The following PPARG variants were observed in gnomAD, a reference collection of about 807,000 sequenced individuals.
PPARG encodes the protein peroxisome proliferator-activated receptor gamma.
In PPARG, 17 loss-of-function variants were observed where a neutral mutation model predicts 39.2. That is an observed-to-expected ratio of 0.43 (90% confidence interval 0.30 to 0.65). The LOEUF (loss-of-function observed/expected upper bound fraction) is 0.65, where lower values mean the gene tolerates loss of function less well. Ranked by LOEUF, PPARG falls within the 30% of genes least tolerant of loss-of-function variation. The pLI is 0.13. For missense variants in PPARG, 406 were observed against 585.9 expected, an observed-to-expected ratio of 0.69 and a Z score of 3.17; for synonymous variants, 223 against 215.7, an observed-to-expected ratio of 1.03 and a Z score of -0.30.
intron 1 of PPARG, among the ~76,000 whole-genome samples, chr3:12,302,415 G>A (rs919016854): frequency 6.6e-6 from 1 of 152,110 alleles, no homozygotes; most frequent in African/African-American, 2.4e-5. Flanking sequence ...TGATGAACAT[G>A]TTTTGGAACT....
intron 4 of PPARG, among the ~76,000 whole-genome samples, chr3:12,386,276 G>A (rs550927586): frequency 7.0e-6 from 1 of 143,204 alleles, no homozygotes; most frequent in South Asian, 2.4e-4. Flanking sequence ...GATTCCTTGA[G>A]TCACATAACA....
At chr3:12,407,183 A>G (rs942032012) in intron 6 of PPARG, among the ~76,000 whole-genome samples, 1 of 152,042 alleles carries the variant, frequency 6.6e-6, no homozygotes, top group Admixed American at 6.5e-5. Context: ...TTGTTTTGAG[A>G]CAGAGTCTTG....
chr3:12,328,220 C>G, intron 2 of PPARG: 8 of 1,518,024 alleles, frequency 5.3e-6, no homozygotes, highest in Non-Finnish European at 7.2e-6. Context: ...TGGAGCGGAG[C>G]GTTAAGGAAG....
intron 2 of PPARG, among the ~76,000 whole-genome samples, chr3:12,354,625 C>T (rs1288589868): frequency 6.6e-6 from 1 of 151,670 alleles, no homozygotes; most frequent in Non-Finnish European, 1.5e-5. Flanking sequence ...TGGTGGTGGG[C>T]GCCTGTAGTC....
At chr3:12,429,378 A>G (rs2051571676) in intron 7 of PPARG, among the ~76,000 whole-genome samples, 1 of 152,090 alleles carries the variant, frequency 6.6e-6, no homozygotes, top group Non-Finnish European at 1.5e-5. Flanking sequence ...TAGTAGATTA[A>G]CATCATCTCC....
rs1266665623 is a variant in PPARG, at chr3:12,345,139, T to C, written c.-9+32686T>C. On this transcript the variant is annotated intron_variant, in intron 2 of 7. Coordinates refer to ENST00000651735, the MANE Select transcript of PPARG (RefSeq NM_138711.6). ...TAGAAATTTTCAAATAGTAATGTTA[T>C]CATTTTCTTAAGAGCAAGGAACTTT... Among the ~76,000 whole-genome samples the C allele has an allele frequency of 2.0e-5, 3 of 152,200 alleles. No individual in the cohort carries two copies. In the East Asian group the frequency reaches 5.8e-4, roughly 29 times the overall value.
rs115339818 is a variant in PPARG, at chr3:12,365,366, C to T, written c.-8-14338C>T. Among the ~76,000 whole-genome samples the T allele has an allele frequency of 6.5e-3, 995 of 152,252 alleles. 8 individuals carry two copies. The highest frequency in any genetic ancestry group is 0.01 in the Non-Finnish European group (685 of 68,014). Reference sequence around the variant, plus strand: ...TCTCTTGACACTGTTTTGCACAGAGCAGACTTTTTTTATTTTAATGAAGTC... The same window carrying T: ...TCTCTTGACACTGTTTTGCACAGAGTAGACTTTTTTTATTTTAATGAAGTC... On this transcript the variant is annotated intron_variant, in intron 2 of 7. Transcript: ENST00000651735.
chr3:12,434,159 G>A lies in PPARG; in HGVS notation c.*14G>A, dbSNP rs752708128. The A allele has an allele frequency of 5.0e-6, 8 of 1,614,184 alleles. No individual in the cohort carries two copies. The South Asian group carries it at 7.7e-5, about 16-fold the overall frequency. ...GACTTGTACTAGCAGAGAGTCCTGA[G>A]CCACTGCCAACATTTCCCTTCTTCC... On this transcript the variant is annotated 3_prime_UTR_variant, in exon 8 of 8. Transcript: ENST00000651735. The surrounding 1 kb of genome is among the most constrained non-coding windows in gnomAD (Gnocchi z 4.2).
At chr3:12,335,588 A>G (rs537635145) in intron 2 of PPARG, among the ~76,000 whole-genome samples, 2 of 152,326 alleles carry the variant, frequency 1.3e-5, no homozygotes, top group South Asian at 4.1e-4. Flanking sequence ...TACTTATTTC[A>G]CATCTGGTTG....
At chr3:12,432,761 G>A (rs573503754) in intron 7 of PPARG, among the ~76,000 whole-genome samples, 13 of 152,270 alleles carry the variant, frequency 8.5e-5, no homozygotes, top group African/African-American at 3.1e-4. Flanking sequence ...AAAGCTATTT[G>A]AACTGATAAA....
intron 1 of PPARG, among the ~76,000 whole-genome samples, chr3:12,296,404 AT>A (rs979584087): frequency 2.6e-5 from 4 of 151,948 alleles, no homozygotes; most frequent in African/African-American, 9.7e-5. Flanking sequence ...GGGCCTAGCA[AT>A]CTGTGTTTTA....
In PPARG at chr3:12,386,520, C is replaced by CT. The variant is rs78118200; in HGVS notation, c.390+5042dup. On this transcript the variant is annotated intron_variant, in intron 4 of 7. Coordinates refer to ENST00000651735, the MANE Select transcript of PPARG (RefSeq NM_138711.6). ...CATTATAAGAGTTAAACTTAATTCT[C>CT]TTTTTTTTTTTTTGAACATGTGTCA... is the stretch of plus-strand genomic sequence containing the variant. Among the ~76,000 whole-genome samples the CT allele has an allele frequency of 5.7e-3, 825 of 143,512 alleles. 3 individuals carry two copies. Among genetic ancestry groups the CT allele is most frequent in the South Asian group, 0.021 (93 of 4,508 alleles). The allele number at this position is 143,512 out of a possible 152,430, so 94.1% of individuals were successfully genotyped here. A position where few individuals can be genotyped will look rare whatever the true frequency, so the allele number is the denominator to read the frequency against.
intron 7 of PPARG, among the ~76,000 whole-genome samples, chr3:12,424,418 T>C (rs749742563): frequency 6.6e-6 from 1 of 152,166 alleles, no homozygotes; most frequent in Non-Finnish European, 1.5e-5. Flanking sequence ...AGAGACTGAC[T>C]ATGGGGTCGA....
At chr3:12,319,594 T>C (rs2047481599) in intron 2 of PPARG, among the ~76,000 whole-genome samples, 1 of 152,172 alleles carries the variant, frequency 6.6e-6, no homozygotes. Context: ...ATATAAAGTA[T>C]ATTACTCATG....
intron 2 of PPARG, among the ~76,000 whole-genome samples, chr3:12,323,684 C>G (rs908785842): frequency 1.3e-5 from 2 of 151,806 alleles, no homozygotes; most frequent in African/African-American, 2.4e-5. Context: ...AAACTGAGAT[C>G]TGTCTGTCTA....
At chr3:12,427,122 A>G (rs893616301) in intron 7 of PPARG, among the ~76,000 whole-genome samples, 11 of 147,636 alleles carry the variant, frequency 7.5e-5, no homozygotes, top group African/African-American at 2.8e-4. Flanking sequence ...TATTAAGAGG[A>G]CACATGTATA....
At chr3:12,326,198 T>C (rs2047689244) in intron 2 of PPARG, among the ~76,000 whole-genome samples, 1 of 152,170 alleles carries the variant, frequency 6.6e-6, no homozygotes, top group South Asian at 2.1e-4. Flanking sequence ...CCCCCAAATA[T>C]GGTAGATCGA....
At chr3:12,392,059 A>C (rs2050095486) in intron 4 of PPARG, among the ~76,000 whole-genome samples, 1 of 152,226 alleles carries the variant, frequency 6.6e-6, no homozygotes, top group Non-Finnish European at 1.5e-5. Flanking sequence ...TGTAAGCCAC[A>C]ACAATGATGG....
intron 5 of PPARG, among the ~76,000 whole-genome samples, chr3:12,403,201 G>A (rs1404845543): frequency 2.7e-5 from 4 of 150,852 alleles, no homozygotes; most frequent in Non-Finnish European, 5.9e-5. Context: ...GCTGAGGTGG[G>A]AGAATCGCTT....
Sources: gnomAD v4.1 joint callset for allele counts (sites outside exome capture counted in the v4.1 genomes callset) on GRCh38, gnomAD v4.1.1 for gene constraint, Gnocchi (gnomAD v3.1) non-coding constraint, MANE v1.5 for transcripts, NCBI Gene and HGNC (gene_info 2026-07-23, HGNC 2026-07-21) for gene names.